The following PARD3B variants were observed in gnomAD, a reference collection of about 807,000 sequenced individuals.
The protein encoded by PARD3B is par-3 family cell polarity regulator beta.
PARD3B carries 103 observed loss-of-function variants against 130.2 expected under a neutral mutation model. The ratio of observed to expected loss-of-function variants is 0.79; its 90% CI spans 0.67 to 0.93. The LOEUF (loss-of-function observed/expected upper bound fraction) is 0.93, where lower values mean the gene tolerates loss of function less well. Ranked by LOEUF, PARD3B falls within the 40% of genes least tolerant of loss-of-function variation. The pLI is 0.00. For synonymous variants in PARD3B, 583 were observed against 553.2 expected (o/e 1.05, Z -0.76); for missense variants, 1,609 against 1,499.2 (o/e 1.07, Z -1.21).
chr2:204,667,294 C>T (rs1317921465), intron 1 of PARD3B, among the ~76,000 whole-genome samples: 5 of 152,292 alleles, frequency 3.3e-5, no homozygotes, highest in African/African-American at 9.6e-5. Context: ...TCACCCAATA[C>T]ATGATGTTGG....
intron 16 of PARD3B, among the ~76,000 whole-genome samples, chr2:205,260,562 C>G (rs2040264319): frequency 6.6e-6 from 1 of 152,048 alleles, no homozygotes; most frequent in South Asian, 2.1e-4. Flanking sequence ...TTTGCATGTG[C>G]TTTTCTTCAG....
intron 20 of PARD3B, among the ~76,000 whole-genome samples, chr2:205,494,047 A>C (rs950697000): frequency 1.3e-5 from 2 of 152,054 alleles, no homozygotes; most frequent in African/African-American, 4.8e-5. Flanking sequence ...GGCGTGAGCC[A>C]CCTCACCTGA....
At chr2:204,741,272 T>A (rs1409413925) in intron 2 of PARD3B, among the ~76,000 whole-genome samples, 3 of 152,208 alleles carry the variant, frequency 2.0e-5, no homozygotes, top group Admixed American at 6.5e-5. Flanking sequence ...GAAATTATAT[T>A]TGCCTTGTTC....
intron 2 of PARD3B, among the ~76,000 whole-genome samples, chr2:204,817,344 G>T (rs1483551411): frequency 6.6e-6 from 1 of 151,650 alleles, no homozygotes; most frequent in East Asian, 1.9e-4. Flanking sequence ...ATATTTCTGA[G>T]ACACAGCTAG....
At chr2:204,837,902 A>G (rs2044108524) in intron 2 of PARD3B, among the ~76,000 whole-genome samples, 1 of 152,094 alleles carries the variant, frequency 6.6e-6, no homozygotes, top group Non-Finnish European at 1.5e-5. Context: ...TTTTGTTTCT[A>G]AGGCTCACCC....
chr2:205,082,373 C>T (rs1221831116), intron 4 of PARD3B, among the ~76,000 whole-genome samples: 1 of 152,134 alleles, frequency 6.6e-6, no homozygotes, highest in Non-Finnish European at 1.5e-5. Flanking sequence ...GTAAGATTAA[C>T]AGCACTAATA....
intron 1 of PARD3B, among the ~76,000 whole-genome samples, chr2:204,550,211 C>T (rs1574442548): frequency 6.6e-6 from 1 of 152,206 alleles, no homozygotes; most frequent in Non-Finnish European, 1.5e-5. Context: ...CTCCTGTATA[C>T]TTTAAGTCAT....
intron 2 of PARD3B, among the ~76,000 whole-genome samples, chr2:204,776,914 C>T (rs61499229): frequency 0.019 from 2,816 of 151,774 alleles, 87 homozygotes; most frequent in African/African-American, 0.063. Flanking sequence ...GTGGGTAAAA[C>T]AGGAGTGTGT....
chr2:204,772,618 C>T (rs2041435852), intron 2 of PARD3B, among the ~76,000 whole-genome samples: 1 of 152,052 alleles, frequency 6.6e-6, no homozygotes, highest in African/African-American at 2.4e-5. Flanking sequence ...AGCACATTTT[C>T]AAGGAAGCAG....
chr2:205,202,818 T>C (rs2037065409), intron 15 of PARD3B, among the ~76,000 whole-genome samples: 1 of 152,184 alleles, frequency 6.6e-6, no homozygotes, highest in African/African-American at 2.4e-5. Flanking sequence ...GTAGTATAAT[T>C]AGAAATGAGC....
At position 204,686,291 on chromosome 2, in the gene PARD3B, C is replaced by T. The variant is rs758682656; in HGVS notation, c.222+9C>T. On this transcript the variant is annotated intron_variant, in intron 2 of 22. Transcript: ENST00000406610. ...TTGAAGATAAAGACAAGGTAGATAA[C>T]TCTAAAAATGTGCCTCTTTGTTTTC... The T allele has an allele frequency of 1.9e-6, 3 of 1,588,022 alleles. No individual in the cohort carries two copies. Among genetic ancestry groups the T allele is most frequent in the African/African-American group, 1.3e-5 (1 of 74,298 alleles).
rs1309514871 is a variant in PARD3B, at chr2:205,176,578, G to A, written c.1924+1G>A. On this transcript the variant is annotated splice_donor_variant, in intron 13 of 22. Coordinates refer to ENST00000406610, the MANE Select transcript of PARD3B (RefSeq NM_001302769.2). LOFTEE classifies it high-confidence loss of function. This position sits in a 1 kb window ranked among gnomAD's most constrained non-coding sequence, Gnocchi z 5.3. The stretch of plus-strand genomic sequence containing the variant: ...TGCAGTCCACAAGACAAACAGAAAG[G>A]TAAGAGTCTATTCATTTTATCCACT... The A allele has an allele frequency of 1.2e-6, 2 of 1,600,236 alleles. No individual in the cohort carries two copies. The highest frequency in any genetic ancestry group is 1.7e-6 in the Non-Finnish European group (2 of 1,174,850).
intron 18 of PARD3B, among the ~76,000 whole-genome samples, chr2:205,316,482 A>T (rs939397206): frequency 6.6e-6 from 1 of 152,184 alleles, no homozygotes; most frequent in Non-Finnish European, 1.5e-5. Context: ...TATGAAAAAG[A>T]TTTGCCAATC....
At chr2:205,140,727 T>C (rs2032882074) in intron 10 of PARD3B, among the ~76,000 whole-genome samples, 1 of 152,194 alleles carries the variant, frequency 6.6e-6, no homozygotes, top group African/African-American at 2.4e-5. Context: ...TTTTAAAAGA[T>C]ATATGCATAT....
intron 15 of PARD3B, among the ~76,000 whole-genome samples, chr2:205,245,513 A>T (rs2039534929): frequency 6.6e-6 from 1 of 152,208 alleles, no homozygotes; most frequent in Admixed American, 6.5e-5. Flanking sequence ...CAACCCAGTT[A>T]AAATAACTGA....
chr2:205,026,002 C>T (rs142254175), intron 3 of PARD3B, among the ~76,000 whole-genome samples: 149 of 152,296 alleles, frequency 9.8e-4, no homozygotes, highest in African/African-American at 3.3e-3. Context: ...GCCCGCGGTA[C>T]GCTAGGGTCT....
At chr2:205,603,140 G>C (rs1459608526) in intron 22 of PARD3B, among the ~76,000 whole-genome samples, 3 of 152,276 alleles carry the variant, frequency 2.0e-5, no homozygotes, top group Middle Eastern at 3.4e-3. Context: ...TCAGGAGCAG[G>C]TTGTTCAATT....
intron 3 of PARD3B, among the ~76,000 whole-genome samples, chr2:204,996,565 C>T (rs1187941376): frequency 6.6e-6 from 1 of 151,612 alleles, no homozygotes; most frequent in Non-Finnish European, 1.5e-5. Context: ...AGAGGTGGAG[C>T]CTACAGAGGC....
In PARD3B at chr2:205,304,359, G is replaced by T. The variant is rs939704387; in HGVS notation, c.2630+2658G>T. Among the ~76,000 whole-genome samples, 3 of 152,256 alleles carry T rather than the reference G, an allele frequency of 2.0e-5. No homozygotes were observed. In the East Asian group the frequency reaches 5.8e-4, roughly 29 times the overall value. On this transcript the variant is annotated intron_variant, in intron 18 of 22. Transcript: ENST00000406610. ...ATATTAAAAAACAAAATTTTGGCCA[G>T]GCATAGTGGCCCAAGCCTGTAATCC...
Sources: allele counts gnomAD v4.1 joint callset (sites outside exome capture counted in the v4.1 genomes callset), GRCh38; gene constraint gnomAD v4.1.1; non-coding constraint Gnocchi (gnomAD v3.1); transcripts MANE v1.5; gene names NCBI Gene and HGNC (gene_info 2026-07-23, HGNC 2026-07-21).